Variants in RECK observed in about 807,000 individuals in gnomAD.
RECK encodes reversion-inducing cysteine-rich protein with Kazal motifs.
A neutral mutation model predicts 115.1 loss-of-function variants in RECK; 69 were observed. That is an observed-to-expected ratio of 0.60 (90% CI 0.49 to 0.73). The LOEUF is 0.73. Among genes scored for constraint, RECK ranks in the 30% least tolerant of loss-of-function variants. The pLI is 0.00. For missense variants in RECK, 1,047 were observed against 1,203.7 expected (o/e 0.87, Z 1.93); for synonymous variants, 414 against 419.7 (o/e 0.99, Z 0.17).
At chr9:36,051,347 G>A (rs74477194) in intron 1 of RECK, among the ~76,000 whole-genome samples, 3,881 of 152,206 alleles carry the variant, frequency 0.025, 173 homozygotes, top group African/African-American at 0.087. Context: ...TTGGAACCTT[G>A]CATCTTTGTA....
chr9:36,081,849 ATTT>A (rs1465420261), intron 7 of RECK, among the ~76,000 whole-genome samples: 2 of 150,810 alleles, frequency 1.3e-5, no homozygotes, highest in East Asian at 1.9e-4. Context: ...AAAAAAAAAA[ATTT>A]GTTCTTTGTG....
chr9:36,061,393 T>TACAC (rs58265948), intron 4 of RECK, among the ~76,000 whole-genome samples: 7,449 of 129,024 alleles, frequency 0.058, 279 homozygotes, highest in South Asian at 0.15. Context: ...TGTAATTTTC[T>TACAC]ACACACACAC....
chr9:36,075,072 G>A (rs563120238), intron 6 of RECK, among the ~76,000 whole-genome samples: 2 of 152,310 alleles, frequency 1.3e-5, no homozygotes, highest in Admixed American at 1.3e-4. Context: ...TTCACGTGGT[G>A]GTGGCAGGAG....
intron 1 of RECK, among the ~76,000 whole-genome samples, chr9:36,042,362 T>C (rs6476513): frequency 0.55 from 83,365 of 151,818 alleles, 23,257 homozygotes; most frequent in East Asian, 0.79. Flanking sequence ...GTCTCCAACT[T>C]CATACAGGTT....
intron 8 of RECK, among the ~76,000 whole-genome samples, chr9:36,084,569 C>A (rs1822867136): frequency 6.6e-6 from 1 of 152,036 alleles, no homozygotes; most frequent in African/African-American, 2.4e-5. Context: ...GTGGCACATG[C>A]CTGTAATCCC....
intron 10 of RECK, among the ~76,000 whole-genome samples, chr9:36,095,637 A>G (rs1823304426): frequency 6.6e-6 from 1 of 152,208 alleles, no homozygotes; most frequent in Non-Finnish European, 1.5e-5. Context: ...AATTCAATAC[A>G]AAAATAAACA....
At chr9:36,063,708 C>T in intron 4 of RECK, 87 bp from the exon 5 acceptor site, 1 of 1,252,526 alleles carries the variant, frequency 8.0e-7, no homozygotes, top group Non-Finnish European at 1.1e-6. Context: ...GCTGCTTTGA[C>T]TTTTAGTAGT....
intron 9 of RECK, among the ~76,000 whole-genome samples, chr9:36,089,135 G>T (rs903634601): frequency 1.3e-5 from 2 of 152,072 alleles, no homozygotes; most frequent in Non-Finnish European, 2.9e-5. Flanking sequence ...AGGCTTAAAG[G>T]GAAATTAAAT....
rs140474842 is a variant in RECK, at chr9:36,097,735, C to T, written c.1086-2596C>T. ...TGAAGAGATATTTCACTCCCACATTCACTGCAGCATTATTTACAATAGCCA... is the reference window on the plus strand; with the variant it reads ...TGAAGAGATATTTCACTCCCACATTTACTGCAGCATTATTTACAATAGCCA... On this transcript the variant is annotated intron_variant, in intron 10 of 20. Coordinates refer to ENST00000377966, the MANE Select transcript of RECK (RefSeq NM_021111.3). Among the ~76,000 whole-genome samples the T allele has an allele frequency of 3.4e-3, 518 of 152,258 alleles. 2 individuals carry two copies. The highest frequency in any genetic ancestry group is 6.0e-3 in the Non-Finnish European group (406 of 68,012).
chr9:36,052,570 C>A (rs909200323), intron 2 of RECK, among the ~76,000 whole-genome samples: 1 of 152,122 alleles, frequency 6.6e-6, no homozygotes, highest in East Asian at 1.9e-4. Flanking sequence ...AACTAATTGT[C>A]CAGGGTTCAC....
intron 4 of RECK, among the ~76,000 whole-genome samples, chr9:36,063,238 A>G (rs1313962766): frequency 5.3e-5 from 8 of 152,192 alleles, no homozygotes. Context: ...AGAATAATAC[A>G]TGGTCATTTT....
At chr9:36,115,407 G>C (rs1258546241) in intron 16 of RECK, among the ~76,000 whole-genome samples, 2 of 150,114 alleles carry the variant, frequency 1.3e-5, no homozygotes, top group Non-Finnish European at 3.0e-5. Context: ...TAAACATTAG[G>C]ACATAACAAC....
At chr9:36,051,787 A>T (rs1257024065) in intron 1 of RECK, among the ~76,000 whole-genome samples, 2 of 152,094 alleles carry the variant, frequency 1.3e-5, no homozygotes, top group East Asian at 3.8e-4. Context: ...GCTTGGCTTT[A>T]CCTGCACTCC....
At chr9:36,070,080 C>T (rs1406185460) in intron 6 of RECK, among the ~76,000 whole-genome samples, 3 of 152,112 alleles carry the variant, frequency 2.0e-5, no homozygotes, top group Non-Finnish European at 4.4e-5. Flanking sequence ...TAGAAGTTCT[C>T]TGTAAAGGAA....
intron 17 of RECK, 41 bp from the exon 18 acceptor site, chr9:36,118,716 C>A: frequency 6.3e-7 from 1 of 1,583,098 alleles, no homozygotes; most frequent in Non-Finnish European, 8.6e-7. Context: ...AAAGGTACAA[C>A]ATAGACATTT....
intron 6 of RECK, among the ~76,000 whole-genome samples, chr9:36,074,324 T>G (rs918930197): frequency 2.6e-5 from 4 of 152,208 alleles, no homozygotes; most frequent in African/African-American, 9.6e-5. Context: ...CACTTAACAT[T>G]CATTGAACTG....
intron 15 of RECK, among the ~76,000 whole-genome samples, chr9:36,111,613 C>T (rs534034939): frequency 1.3e-5 from 2 of 152,040 alleles, no homozygotes; most frequent in Non-Finnish European, 2.9e-5. Context: ...AGGCTGGTCT[C>T]GAACTCCCGA....
intron 10 of RECK, among the ~76,000 whole-genome samples, chr9:36,093,469 TA>T (rs956216143): frequency 3.3e-5 from 5 of 151,932 alleles, no homozygotes; most frequent in African/African-American, 9.7e-5. Flanking sequence ...ATGGAAGCTC[TA>T]AAAAAAACCA....
intron 16 of RECK, among the ~76,000 whole-genome samples, chr9:36,116,555 G>A (rs1363842430): frequency 2.0e-5 from 3 of 152,188 alleles, no homozygotes; most frequent in African/African-American, 7.2e-5. Context: ...CTCATATCAT[G>A]GCCCTTCTGC....
Sources: allele counts gnomAD v4.1 joint callset (sites outside exome capture counted in the v4.1 genomes callset), GRCh38; gene constraint gnomAD v4.1.1; transcripts MANE v1.5; gene names NCBI Gene and HGNC (gene_info 2026-07-23, HGNC 2026-07-21).